IFITM5: variants seen among roughly 807,000 people sequenced by gnomAD.
IFITM5 encodes interferon-induced transmembrane protein 5.
IFITM5 carries 10 observed loss-of-function variants against 9.2 expected under a neutral mutation model. The observed-to-expected ratio is 1.09, with a 90% CI of 0.67 to 1.85. IFITM5 has a LOEUF of 1.85. IFITM5 is among the 40% of genes most tolerant of loss of function. The pLI, the probability that IFITM5 is intolerant of heterozygous loss-of-function variation, is 0.00. For missense variants in IFITM5, 225 were observed against 182.6 expected, an observed-to-expected ratio of 1.23 and a Z score of -1.34; for synonymous variants, 93 against 86.6, an observed-to-expected ratio of 1.07 and a Z score of -0.41.
chr11:298,206 G>A lies in IFITM5; in HGVS notation c.*295C>T, dbSNP rs1845886932. 4.6e-6 allele frequency: 2 copies of A among 437,132 alleles called. No individual in the cohort carries two copies. The highest frequency in any genetic ancestry group is 4.3e-5 in the East Asian group (1 of 23,472). The allele number at this position is 437,132 out of a possible 1,614,324, so 27.1% of individuals were successfully genotyped here. On this transcript the variant is annotated 3_prime_UTR_variant, in exon 2 of 2. Transcript: ENST00000382614. ...GAAAGAGGCCAGGAGGCACTTTCTG[G>A]AACCAGGCACTTTTAATCGTGGAAC... is the stretch of plus-strand genomic sequence containing the variant.
rs187570131 is a variant in IFITM5 at position 299,090 on chromosome 11, C to T, written c.186+215G>A. Among the ~76,000 whole-genome samples the T allele has an allele frequency of 1.5e-3, 225 of 152,266 alleles. 3 individuals carry two copies. Among genetic ancestry groups the T allele is most frequent in the South Asian group, 8.3e-4 (4 of 4,828 alleles). ...CTGTGCTCTTGGATGGGCCAGACCCCGTTAAGAAGAGGCCCCCCGGCCTTG... is the reference window on the plus strand; with the variant it reads ...CTGTGCTCTTGGATGGGCCAGACCCTGTTAAGAAGAGGCCCCCCGGCCTTG... On this transcript the variant is annotated intron_variant, in intron 1 of 1. Transcript: ENST00000382614.
At chr11:299,196 C>A in intron 1 of IFITM5, 109 bp downstream of exon 1, 1 of 766,762 alleles carries the variant, frequency 1.3e-6, no homozygotes, top group Non-Finnish European at 2.0e-6. Context: ...CCCCCCGCGG[C>A]CCCCAGCACG....
At position 298,583 on chromosome 11, in the gene IFITM5, G is replaced by GT. The variant is rs1225856689; in HGVS notation, c.316dup (p.Thr106AsnfsTer22). The GT allele has an allele frequency of 6.2e-7, 1 of 1,613,578 alleles. No individual in the cohort carries two copies. Among genetic ancestry groups the GT allele is most frequent in the Admixed American group, 1.7e-5 (1 of 60,028 alleles). On this transcript the variant is annotated frameshift_variant, in exon 2 of 2. Coordinates refer to ENST00000382614, the MANE Select transcript of IFITM5 (RefSeq NM_001025295.3). LOFTEE classifies it high-confidence loss of function. ...CAGCCGGGCCAGGTGCAGGGCACCA[G>GT]TCACCACCAGCCCCAGGAGCAGCAG...
At position 299,496 on chromosome 11, in the gene IFITM5, C is replaced by A; in HGVS notation, c.-6G>T. ...CGGGGATACGCCGTGTCCATGGGTT[C>A]CAGCGCCGTCTCTTCCACACTCAGA... On this transcript the variant is annotated 5_prime_UTR_variant, in exon 1 of 2. Transcript: ENST00000382614. 6.8e-7 allele frequency: 1 copy of A among 1,463,988 alleles called. No homozygotes were observed. The allele number at this position is 1,463,988 out of a possible 1,614,324, so 90.7% of individuals were successfully genotyped here.
intron 1 of IFITM5, 29 bp downstream of exon 1, chr11:299,276 C>A: frequency 6.5e-7 from 1 of 1,538,914 alleles, no homozygotes; most frequent in South Asian, 1.2e-5. Flanking sequence ...TGGAGCCTCC[C>A]CCGCAACCTC....
intron 1 of IFITM5, 34 bp downstream of exon 1, chr11:299,271 C>T (rs1264486477): frequency 4.7e-6 from 7 of 1,504,402 alleles, no homozygotes; most frequent in Admixed American, 4.2e-5. Context: ...AGTAGTGGAG[C>T]CTCCCCCGCA....
In IFITM5 at chr11:298,483, A is replaced by C. The variant is rs1845889862; in HGVS notation, c.*18T>G. On this transcript the variant is annotated 3_prime_UTR_variant, in exon 2 of 2. Coordinates refer to ENST00000382614, the MANE Select transcript of IFITM5 (RefSeq NM_001025295.3). ...GTCAGTGTCCTGGGGCTAGTGCCCCAGATCAGGACCCAGCCTGTCAGTCAT... is the reference window on the plus strand; with the variant it reads ...GTCAGTGTCCTGGGGCTAGTGCCCCCGATCAGGACCCAGCCTGTCAGTCAT... The C allele has an allele frequency of 6.2e-7, 1 of 1,605,436 alleles. No homozygotes were observed. The highest frequency in any genetic ancestry group is 8.5e-7 in the Non-Finnish European group (1 of 1,177,430).
chr11:298,773 T>G, intron 1 of IFITM5, 60 bp from the exon 2 acceptor site: 1 of 1,494,442 alleles, frequency 6.7e-7, no homozygotes, highest in Non-Finnish European at 9.1e-7. Flanking sequence ...CTGGGGGCCC[T>G]TCCCCACCCA....
At chr11:299,081 G>A (rs1417418579) in intron 1 of IFITM5, among the ~76,000 whole-genome samples, 2 of 152,162 alleles carry the variant, frequency 1.3e-5, no homozygotes, top group East Asian at 1.9e-4. Context: ...TCTTGGATGG[G>A]CCAGACCCCG....
rs573680346 is a variant in IFITM5, at chr11:298,508, T to G, written c.392A>C (p.Tyr131Ser). The G allele has an allele frequency of 6.2e-7, 1 of 1,610,938 alleles. No individual in the cohort carries two copies. The highest frequency in any genetic ancestry group is 8.5e-7 in the Non-Finnish European group (1 of 1,179,700). ...AGATCAGGACCCAGCCTGTCAGTCA[T>G]AGTCCGCGTCATCAAACTTGGTGCT... ...FFSTKFDDAD[Y>S]D is the part of the protein sequence containing the mutation. Residue 131 changes from tyrosine to serine, a missense_variant, in exon 2 of 2, where the codon TAT (tyrosine) becomes TCT (serine). Transcript: ENST00000382614.
At chr11:299,108 C>T (rs1037833579) in intron 1 of IFITM5, among the ~76,000 whole-genome samples, 197 bp downstream of exon 1, 9 of 152,100 alleles carry the variant, frequency 5.9e-5, no homozygotes, top group Middle Eastern at 3.4e-3. Context: ...AGAGGCCCCC[C>T]GGCCTTGCCT....
chr11:298,457 G>A lies in IFITM5; in HGVS notation c.*44C>T. 1 of 1,580,072 alleles carries A rather than the reference G, an allele frequency of 6.3e-7. No individual in the cohort carries two copies. The highest frequency in any genetic ancestry group is 8.6e-7 in the Non-Finnish European group (1 of 1,162,600). ...TTGGGCCCCAGGGGCAGCAGCCTGG[G>A]GTCAGTGTCCTGGGGCTAGTGCCCC... On this transcript the variant is annotated 3_prime_UTR_variant, in exon 2 of 2. Coordinates refer to ENST00000382614, the MANE Select transcript of IFITM5 (RefSeq NM_001025295.3).
chr11:299,258 T>A (rs748531268), intron 1 of IFITM5, 47 bp downstream of exon 1: 4 of 1,277,762 alleles, frequency 3.1e-6, no homozygotes, highest in East Asian at 2.9e-5. Context: ...CCCACCTTGA[T>A]GGAGTAGTGG....
In IFITM5 at chr11:298,312, AC is replaced by A; in HGVS notation, c.*188del. On this transcript the variant is annotated 3_prime_UTR_variant, in exon 2 of 2. Coordinates refer to ENST00000382614, the MANE Select transcript of IFITM5 (RefSeq NM_001025295.3). ...CGGGAACTCTCGGGTTAGGGTGAAG[AC>A]CCCGGGGTCTGACTGGTTCAGCCTT... The A allele has an allele frequency of 1.6e-6, 1 of 624,020 alleles. No homozygotes were observed. Among genetic ancestry groups the A allele is most frequent in the South Asian group, 2.0e-5 (1 of 50,692 alleles). The allele number at this position is 624,020 out of a possible 1,614,324, so 38.7% of individuals were successfully genotyped here.
chr11:298,249 G>A lies in IFITM5; in HGVS notation c.*252C>T, dbSNP rs1422461954. ...CGTGGAACCGAGGGGCCTGGAGTGT[G>A]AGGAGGGAGGGGCAGGATCGGGGGC... On this transcript the variant is annotated 3_prime_UTR_variant, in exon 2 of 2. Coordinates refer to ENST00000382614, the MANE Select transcript of IFITM5 (RefSeq NM_001025295.3). The A allele has an allele frequency of 9.0e-6, 5 of 553,698 alleles. No homozygotes were observed. The highest frequency in any genetic ancestry group is 3.2e-6 in the Non-Finnish European group (1 of 308,190). The allele number at this position is 553,698 out of a possible 1,614,324, so 34.3% of individuals were successfully genotyped here. A position where few individuals can be genotyped will look rare whatever the true frequency, so the allele number is the denominator to read the frequency against.
rs1390139995 is a variant in IFITM5 at position 298,664 on chromosome 11, C to T, written c.236G>A (p.Gly79Asp). ...GATGTTGTAGCACTTGGCTTTGGAG[C>T]CAAAACGCCGGGCCGCTTCCAGGTC... The part of the protein sequence containing the change: ...VGDLEAARRF[G>D]SKAKCYNILA... The change falls in exon 2 of 2, where the codon GGC (glycine) becomes GAC (aspartate). Residue 79 changes from glycine to aspartate, a missense_variant. Gly to Asp is a moderately conservative substitution (Grantham distance 94). Coordinates refer to ENST00000382614, the MANE Select transcript of IFITM5 (RefSeq NM_001025295.3). 1.2e-6 allele frequency: 2 copies of T among 1,613,542 alleles called. No homozygotes were observed. The highest frequency in any genetic ancestry group is 1.7e-6 in the Non-Finnish European group (2 of 1,179,992).
chr11:299,414 A>C lies in IFITM5; in HGVS notation c.77T>G (p.Leu26Arg). The change falls in exon 1 of 2, where the codon CTG becomes CGG. Residue 26 changes from leucine (L) to arginine (R), a missense_variant. Coordinates refer to ENST00000382614, the MANE Select transcript of IFITM5 (RefSeq NM_001025295.3). ...SKAGAHTALT[L>R]GAPHPPPRDH... Reference sequence around the variant, plus strand: ...TCGAGGCGGGGGGTGCGGGGCCCCCAGTGTGAGGGCTGTGTGGGCACCGGC... The same window carrying C: ...TCGAGGCGGGGGGTGCGGGGCCCCCCGTGTGAGGGCTGTGTGGGCACCGGC... The C allele has an allele frequency of 6.4e-7, 1 of 1,557,134 alleles. No individual in the cohort carries two copies. The highest frequency in any genetic ancestry group is 8.7e-7 in the Non-Finnish European group (1 of 1,152,494).
Position 298,494 on chromosome 11 carries a change from C to T in IFITM5, c.*7G>A, listed in dbSNP as rs772236948. 6.2e-7 allele frequency: 1 copy of T among 1,608,846 alleles called. No individual in the cohort carries two copies. Among genetic ancestry groups the T allele is most frequent in the East Asian group, 2.2e-5 (1 of 44,774 alleles). On this transcript the variant is annotated 3_prime_UTR_variant, in exon 2 of 2. Coordinates refer to ENST00000382614, the MANE Select transcript of IFITM5 (RefSeq NM_001025295.3). ...GGGGCTAGTGCCCCAGATCAGGACC[C>T]AGCCTGTCAGTCATAGTCCGCGTCA...
rs1213713194 is a variant in IFITM5, at chr11:298,467, C to T, written c.*34G>A. ...GGGGCAGCAGCCTGGGGTCAGTGTC[C>T]TGGGGCTAGTGCCCCAGATCAGGAC... On this transcript the variant is annotated 3_prime_UTR_variant, in exon 2 of 2. Coordinates refer to ENST00000382614, the MANE Select transcript of IFITM5 (RefSeq NM_001025295.3). 1 of 1,594,584 alleles carries T rather than the reference C, an allele frequency of 6.3e-7. No homozygotes were observed. The highest frequency in any genetic ancestry group is 8.5e-7 in the Non-Finnish European group (1 of 1,171,808).
Sources: gnomAD v4.1 joint callset for allele counts (sites outside exome capture counted in the v4.1 genomes callset) on GRCh38, gnomAD v4.1.1 for gene constraint, MANE v1.5 for transcripts, NCBI Gene and HGNC (gene_info 2026-07-23, HGNC 2026-07-21) for gene names.